The following MGMT variants were observed in gnomAD, a reference collection of about 807,000 sequenced individuals.
MGMT encodes O-6-methylguanine-DNA methyltransferase.
MGMT carries 14 observed loss-of-function variants against 15.9 expected under a neutral mutation model. The ratio of observed to expected loss-of-function variants is 0.88; its 90% CI spans 0.58 to 1.37. The LOEUF (loss-of-function observed/expected upper bound fraction) is 1.37. Ranked by LOEUF, MGMT falls within the 40% of genes most tolerant of loss-of-function variation. MGMT has a pLI of 0.00. For missense variants in MGMT, 282 were observed against 268.1 expected (o/e 1.05, Z -0.36); for synonymous variants, 130 against 118.2 (o/e 1.10, Z -0.65).
At chr10:129,584,959 C>T (rs900252475) in intron 2 of MGMT, among the ~76,000 whole-genome samples, 2 of 152,134 alleles carry the variant, frequency 1.3e-5, no homozygotes, top group South Asian at 4.1e-4. Context: ...GTTCATTTCT[C>T]TTGGGGTATA....
chr10:129,717,458 C>T (rs978617823), intron 3 of MGMT, among the ~76,000 whole-genome samples: 16 of 152,096 alleles, frequency 1.1e-4, no homozygotes, highest in Non-Finnish European at 5.9e-5. Flanking sequence ...GATTATTAGT[C>T]CAGGGAGAGT....
At chr10:129,600,670 G>T (rs1589887720) in intron 2 of MGMT, among the ~76,000 whole-genome samples, 1 of 152,116 alleles carries the variant, frequency 6.6e-6, no homozygotes, top group South Asian at 2.1e-4. Flanking sequence ...CATCCGTATT[G>T]CCTCTTAGCA....
intron 2 of MGMT, among the ~76,000 whole-genome samples, chr10:129,687,256 G>A (rs1321926390): frequency 6.6e-6 from 1 of 151,584 alleles, no homozygotes; most frequent in Non-Finnish European, 1.5e-5. Flanking sequence ...TTTCTAGACA[G>A]GTGTACAGTT....
At chr10:129,487,195 G>A (rs1845417275) in intron 1 of MGMT, among the ~76,000 whole-genome samples, 1 of 152,026 alleles carries the variant, frequency 6.6e-6, no homozygotes, top group South Asian at 2.1e-4. Context: ...CAGGTGGCTT[G>A]GATGGTTTGC....
chr10:129,490,504 T>TTGTTATTGTTA (rs113149571), intron 1 of MGMT, among the ~76,000 whole-genome samples: 1 of 152,140 alleles, frequency 6.6e-6, no homozygotes, highest in Non-Finnish European at 1.5e-5. Flanking sequence ...TTTATTGTTA[T>TTGTTATTGTTA]TAAGATTATT....
rs1056374585 is a variant in MGMT, at chr10:129,556,663, G to A, written c.125+20286G>A. ...CCAGACAGTGTTCATAAACACCGAC[G>A]GCAAAGTCAGGACGGGCAGGAGCGT... On this transcript the variant is annotated intron_variant, in intron 2 of 4. Transcript: ENST00000651593. This position sits in a 1 kb window ranked among gnomAD's most constrained non-coding sequence, Gnocchi z 4.3. Among the ~76,000 whole-genome samples the A allele has an allele frequency of 2.6e-5, 4 of 152,180 alleles. No homozygotes were observed. Among genetic ancestry groups the A allele is most frequent in the Non-Finnish European group, 4.4e-5 (3 of 68,036 alleles).
intron 1 of MGMT, among the ~76,000 whole-genome samples, chr10:129,529,443 T>C (rs1845906458): frequency 6.6e-6 from 1 of 152,124 alleles, no homozygotes; most frequent in African/African-American, 2.4e-5. Flanking sequence ...CACAATAGGC[T>C]TCACACTCCT....
intron 2 of MGMT, among the ~76,000 whole-genome samples, chr10:129,668,517 A>C (rs1847685363): frequency 1.3e-5 from 2 of 152,136 alleles, no homozygotes; most frequent in Admixed American, 6.5e-5. Context: ...AAGTCCATTT[A>C]TTCCCCATGT....
chr10:129,573,220 A>G (rs926218389), intron 2 of MGMT, among the ~76,000 whole-genome samples: 35 of 152,204 alleles, frequency 2.3e-4, no homozygotes, highest in Non-Finnish European at 7.3e-5. Context: ...AAGAAAGACC[A>G]TCATTTCTAT....
intron 1 of MGMT, among the ~76,000 whole-genome samples, chr10:129,480,979 G>A (rs1015366444): frequency 3.3e-5 from 5 of 152,206 alleles, no homozygotes; most frequent in Admixed American, 1.3e-4. Flanking sequence ...GCTTTGCTGC[G>A]CTTCCCGTTA....
chr10:129,475,195 C>T (rs1845276843), intron 1 of MGMT, among the ~76,000 whole-genome samples: 1 of 151,954 alleles, frequency 6.6e-6, no homozygotes, highest in African/African-American at 2.4e-5. Flanking sequence ...GATGGGAGGT[C>T]CTATGAGGGT....
intron 2 of MGMT, among the ~76,000 whole-genome samples, chr10:129,692,675 C>T (rs1037820301): frequency 2.0e-5 from 3 of 152,078 alleles, no homozygotes; most frequent in African/African-American, 4.8e-5. Flanking sequence ...GTGGGCCCAG[C>T]GTGGCCATGG....
intron 4 of MGMT, among the ~76,000 whole-genome samples, chr10:129,764,621 TG>T (rs1391965788): frequency 6.6e-6 from 1 of 152,170 alleles, no homozygotes; most frequent in Non-Finnish European, 1.5e-5. Context: ...GGGTGGAGCG[TG>T]GGGAAGCTGG....
At chr10:129,732,532 A>G (rs1366394248) in intron 3 of MGMT, among the ~76,000 whole-genome samples, 2 of 148,738 alleles carry the variant, frequency 1.3e-5, no homozygotes, top group African/African-American at 2.5e-5. Flanking sequence ...CACATGCCAC[A>G]TTTTCTTTTT....
chr10:129,506,676 A>G (rs1300012301), intron 1 of MGMT, among the ~76,000 whole-genome samples: 1 of 152,000 alleles, frequency 6.6e-6, no homozygotes, highest in East Asian at 1.9e-4. Flanking sequence ...CGTTCCTATA[A>G]TCCGCTCTAT....
chr10:129,487,944 T>TAC (rs1299161266), intron 1 of MGMT, among the ~76,000 whole-genome samples: 10 of 143,212 alleles, frequency 7.0e-5, no homozygotes, highest in African/African-American at 1.3e-4. Flanking sequence ...TGTATATATA[T>TAC]ACACACACAA....
Position 129,563,467 on chromosome 10 carries a change from A to G in MGMT, c.125+27090A>G, listed in dbSNP as rs145149558. On this transcript the variant is annotated intron_variant, in intron 2 of 4. Coordinates refer to ENST00000651593, the MANE Select transcript of MGMT (RefSeq NM_002412.5). The stretch of plus-strand genomic sequence containing the variant: ...TTACCACTTTCTGTCCCCTACATTC[A>G]TATACTCCCATTCATGTATTTAACA... Among the ~76,000 whole-genome samples, 68 of 152,256 alleles carry G rather than the reference A, an allele frequency of 4.5e-4. No homozygotes were observed. The East Asian group carries it at 0.012, about 27-fold the overall frequency.
chr10:129,548,747 G>T (rs1198298253), intron 2 of MGMT, among the ~76,000 whole-genome samples: 1 of 152,162 alleles, frequency 6.6e-6, no homozygotes, highest in African/African-American at 2.4e-5. Flanking sequence ...CTTTCGGGGG[G>T]GTGCTGGGGA....
intron 3 of MGMT, among the ~76,000 whole-genome samples, chr10:129,712,793 A>G (rs1371159334): frequency 3.3e-5 from 5 of 152,112 alleles, no homozygotes; most frequent in Non-Finnish European, 7.4e-5. Flanking sequence ...CTTCTTGAAG[A>G]GCCAAGCAAA....
Sources: gnomAD v4.1 joint callset for allele counts (sites outside exome capture counted in the v4.1 genomes callset) on GRCh38, gnomAD v4.1.1 for gene constraint, Gnocchi (gnomAD v3.1) non-coding constraint, MANE v1.5 for transcripts, NCBI Gene and HGNC (gene_info 2026-07-23, HGNC 2026-07-21) for gene names.